Variants in LPAR1 observed in about 807,000 individuals in gnomAD.
LPAR1 encodes lysophosphatidic acid receptor 1.
A neutral mutation model predicts 23.8 loss-of-function variants in LPAR1; 5 were observed. That is an observed-to-expected ratio of 0.21 (90% confidence interval 0.11 to 0.44). LPAR1 has a LOEUF of 0.44. LPAR1 is among the 20% of genes least tolerant of loss of function. The pLI is 0.99. For synonymous variants in LPAR1, 160 were observed against 164.7 expected, an observed-to-expected ratio of 0.97 and a Z score of 0.22; for missense variants, 311 against 482.8, an observed-to-expected ratio of 0.64 and a Z score of 3.33.
At chr9:110,964,224 T>C (rs1156861016) in intron 4 of LPAR1, among the ~76,000 whole-genome samples, 1 of 152,228 alleles carries the variant, frequency 6.6e-6, no homozygotes, top group Non-Finnish European at 1.5e-5. Flanking sequence ...GGAATTGCCT[T>C]TTTAAACCTT....
chr9:111,033,017 A>ATT (rs2097829424), intron 2 of LPAR1, among the ~76,000 whole-genome samples: 1 of 152,256 alleles, frequency 6.6e-6, no homozygotes, highest in Admixed American at 6.5e-5. Flanking sequence ...CGTTTGTTTT[A>ATT]GCACTGGACT....
intron 4 of LPAR1, among the ~76,000 whole-genome samples, chr9:110,965,327 T>C (rs557312126): frequency 6.6e-6 from 1 of 152,198 alleles, no homozygotes; most frequent in East Asian, 1.9e-4. Context: ...ACCAAAATGG[T>C]TGTGAACAGG....
chr9:110,950,463 T>TAAAAAAAAAAAAAAAAAA (rs56274036), intron 4 of LPAR1, among the ~76,000 whole-genome samples: 1 of 122,028 alleles, frequency 8.2e-6, no homozygotes, highest in Non-Finnish European at 1.7e-5. Flanking sequence ...AGACTCTGTC[T>TAAAAAAAAAAAAAAAAAA]AAAAAAAAAA....
chr9:110,968,917 C>T (rs1460718842), intron 4 of LPAR1, among the ~76,000 whole-genome samples: 3 of 152,024 alleles, frequency 2.0e-5, no homozygotes, highest in African/African-American at 4.8e-5. Flanking sequence ...ATGCTCATTC[C>T]GTGGGTAAGG....
At chr9:111,016,746 T>C (rs575187019) in intron 2 of LPAR1, among the ~76,000 whole-genome samples, 1 of 152,338 alleles carries the variant, frequency 6.6e-6, no homozygotes, top group East Asian at 1.9e-4. Context: ...TCCTGAAAAG[T>C]ATCTAATTCA....
At chr9:110,948,652 A>G (rs2095468756) in intron 4 of LPAR1, among the ~76,000 whole-genome samples, 5 of 152,226 alleles carry the variant, frequency 3.3e-5, no homozygotes. Flanking sequence ...GAATGGAAAA[A>G]TTCACTAAAA....
intron 2 of LPAR1, among the ~76,000 whole-genome samples, chr9:110,998,802 C>T (rs1179294951): frequency 6.6e-6 from 1 of 152,120 alleles, no homozygotes; most frequent in African/African-American, 2.4e-5. Context: ...AATTCATTTT[C>T]TGTTCATGAG....
chr9:111,034,731 G>T (rs2097860303), intron 2 of LPAR1, among the ~76,000 whole-genome samples: 1 of 152,048 alleles, frequency 6.6e-6, no homozygotes, highest in Non-Finnish European at 1.5e-5. Flanking sequence ...GCCCCAATAT[G>T]TGTTACTCAG....
intron 2 of LPAR1, among the ~76,000 whole-genome samples, chr9:111,028,804 T>C (rs953412199): frequency 6.6e-6 from 1 of 152,204 alleles, no homozygotes; most frequent in Non-Finnish European, 1.5e-5. Context: ...TTACCTTTTA[T>C]ATGACAGCAA....
At chr9:110,938,581 TGG>T (rs1209860826) in intron 5 of LPAR1, among the ~76,000 whole-genome samples, 2 of 151,852 alleles carry the variant, frequency 1.3e-5, no homozygotes, top group Non-Finnish European at 2.9e-5. Flanking sequence ...GGCCCAGGCA[TGG>T]TGGCTTATGC....
intron 5 of LPAR1, among the ~76,000 whole-genome samples, chr9:110,921,109 G>T (rs751574731): frequency 9.2e-5 from 14 of 152,044 alleles, no homozygotes; most frequent in Non-Finnish European, 7.4e-5. Flanking sequence ...ACTCCAGCCT[G>T]TGTGACAGAG....
intron 4 of LPAR1, among the ~76,000 whole-genome samples, chr9:110,962,096 G>A (rs140556109): frequency 4.5e-4 from 68 of 152,268 alleles, no homozygotes; most frequent in Middle Eastern, 3.4e-3. Flanking sequence ...TAACTTCAGT[G>A]TTGCCCTAGT....
intron 2 of LPAR1, among the ~76,000 whole-genome samples, chr9:111,033,989 G>A (rs1285060027): frequency 6.6e-6 from 1 of 152,162 alleles, no homozygotes; most frequent in Non-Finnish European, 1.5e-5. Flanking sequence ...AGAGGTACTG[G>A]GGAGCAAGTG....
intron 2 of LPAR1, among the ~76,000 whole-genome samples, chr9:111,002,975 C>CA (rs983524554): frequency 6.6e-6 from 1 of 150,828 alleles, no homozygotes; most frequent in Admixed American, 6.6e-5. Flanking sequence ...CCCATCTCTA[C>CA]AAAAAAAATA....
chr9:110,899,276 T>C (rs2087725320), intron 5 of LPAR1, among the ~76,000 whole-genome samples: 1 of 152,198 alleles, frequency 6.6e-6, no homozygotes, highest in African/African-American at 2.4e-5. Flanking sequence ...CTCTAGGAAA[T>C]GTTTGAATTC....
At chr9:110,907,583 T>C (rs1183134734) in intron 5 of LPAR1, among the ~76,000 whole-genome samples, 3 of 152,154 alleles carry the variant, frequency 2.0e-5, no homozygotes, top group Non-Finnish European at 2.9e-5. Context: ...GATTCATTAA[T>C]TCTATATTCT....
intron 4 of LPAR1, among the ~76,000 whole-genome samples, chr9:110,964,574 G>C (rs928389397): frequency 6.6e-6 from 1 of 152,056 alleles, no homozygotes; most frequent in Non-Finnish European, 1.5e-5. Flanking sequence ...ACTGAATCTA[G>C]GTGTTGGCTA....
intron 5 of LPAR1, among the ~76,000 whole-genome samples, chr9:110,886,976 A>G (rs1022185696): frequency 1.3e-5 from 2 of 152,202 alleles, no homozygotes; most frequent in African/African-American, 2.4e-5. Flanking sequence ...AATTCCCCTT[A>G]GAATCTTTCC....
chr9:111,019,278 G>A (rs114515159), intron 2 of LPAR1, among the ~76,000 whole-genome samples: 1,616 of 152,100 alleles, frequency 0.011, 23 homozygotes, highest in African/African-American at 0.034. Flanking sequence ...GGTCAACATC[G>A]CAAGACACCT....
Sources: gnomAD v4.1 joint callset for allele counts (sites outside exome capture counted in the v4.1 genomes callset) on GRCh38, gnomAD v4.1.1 for gene constraint, MANE v1.5 for transcripts, NCBI Gene and HGNC (gene_info 2026-07-23, HGNC 2026-07-21) for gene names.